TMPRSS5: variants seen among roughly 807,000 people sequenced by gnomAD.
The protein encoded by TMPRSS5 is transmembrane serine protease 5.
Under a neutral mutation model 59.7 loss-of-function variants are expected in TMPRSS5, and 45 were observed. That is an observed-to-expected ratio of 0.75 (90% CI 0.59 to 0.97). The LOEUF (loss-of-function observed/expected upper bound fraction) is 0.97, where lower values mean the gene tolerates loss of function less well. TMPRSS5 is among the 50% of genes least tolerant of loss of function. TMPRSS5 has a pLI of 0.00. For missense variants in TMPRSS5, 585 were observed against 596.7 expected, an observed-to-expected ratio of 0.98 and a Z score of 0.20; for synonymous variants, 225 against 232.0, an observed-to-expected ratio of 0.97 and a Z score of 0.27.
chr11:113,690,283 G>T lies in TMPRSS5; in HGVS notation c.1154C>A (p.Thr385Asn), dbSNP rs1457525904. The change falls in exon 11 of 13, where the codon ACC becomes AAC. Residue 385 changes from threonine (T) to asparagine (N), a missense_variant. Thr to Asn is a moderately conservative substitution (Grantham distance 65). Coordinates refer to ENST00000299882, the MANE Select transcript of TMPRSS5 (RefSeq NM_030770.4). Reference sequence around the variant, plus strand: ...GTAGCCAGCGCAAAGCATGCGGGGGGTGAGGGCTCCGCTGTACACGCAAGA... The same window carrying T: ...GTAGCCAGCGCAAAGCATGCGGGGGTTGAGGGCTCCGCTGTACACGCAAGA... ...NSSCVYSGAL[T>N]PRMLCAGYLD... 2 of 1,573,884 alleles carry T rather than the reference G, an allele frequency of 1.3e-6. No individual in the cohort carries two copies. Among genetic ancestry groups the T allele is most frequent in the Non-Finnish European group, 1.7e-6 (2 of 1,160,808 alleles).
At chr11:113,705,404 C>G (rs1304781236) in intron 1 of TMPRSS5, among the ~76,000 whole-genome samples, 3 of 152,154 alleles carry the variant, frequency 2.0e-5, no homozygotes, top group Non-Finnish European at 4.4e-5. Flanking sequence ...GCAGCAGCCC[C>G]AACATCTTGC....
rs932086918 is a variant in TMPRSS5 at position 113,691,985 on chromosome 11, T to C, written c.965-1046A>G. Among the ~76,000 whole-genome samples, 6 of 147,356 alleles carry C rather than the reference T, an allele frequency of 4.1e-5. 1 individual carries two copies. Among genetic ancestry groups the C allele is most frequent in the Admixed American group, 3.6e-4 (5 of 14,056 alleles). Reference sequence around the variant, plus strand: ...TCACTGCAATCTCTGCCTCCCAGGTTCAAGTGATCCTCCTGCCTCAGCCTC... The same window carrying C: ...TCACTGCAATCTCTGCCTCCCAGGTCCAAGTGATCCTCCTGCCTCAGCCTC... On this transcript the variant is annotated intron_variant, in intron 9 of 12. Transcript: ENST00000299882.
In TMPRSS5 at chr11:113,689,854, T is replaced by C; in HGVS notation, c.1270A>G (p.Ser424Gly). 6.3e-7 allele frequency: 1 copy of C among 1,588,486 alleles called. No homozygotes were observed. Among genetic ancestry groups the C allele is most frequent in the Non-Finnish European group, 8.6e-7 (1 of 1,167,598 alleles). The change falls in exon 12 of 13, where the codon AGC (serine) becomes GGC (glycine). Residue 424 changes from serine to glycine, a missense_variant. Ser to Gly is a moderately conservative substitution (Grantham distance 56). Coordinates refer to ENST00000299882, the MANE Select transcript of TMPRSS5 (RefSeq NM_030770.4). ...GGCTCTGCGCAGCCACGCCCCCAGC[T>C]GACCACCCCCACTAGGCGCCATGTG... ...GDTWRLVGVV[S>G]WGRGCAEPNH...
In TMPRSS5 at chr11:113,699,133, G is replaced by A. The variant is rs1953016938; in HGVS notation, c.206-106C>T. The A allele has an allele frequency of 4.0e-6, 5 of 1,243,198 alleles. No homozygotes were observed. In the East Asian group the frequency reaches 1.3e-4, roughly 31 times the overall value. 77.0% of individuals were successfully genotyped at this position (1,243,198 alleles called of 1,614,324 possible). A position where few individuals can be genotyped will look rare whatever the true frequency, so the allele number is the denominator to read the frequency against. On this transcript the variant is annotated intron_variant, in intron 3 of 12. Transcript: ENST00000299882. ...TCTCAGGCAGCTCCCCAACCAACCT[G>A]CTGAGGAGGGGCATAGCGCTCCATC...
chr11:113,696,954 C>G lies in TMPRSS5; in HGVS notation c.482G>C (p.Gly161Ala), dbSNP rs1205853582. The G allele has an allele frequency of 6.3e-7, 1 of 1,576,758 alleles. No homozygotes were observed. ...LGHLRLTHHK[G>A]VNLTDIKLNS... ...GAGTTTGATGTCAGTGAGGTTTACTCCCTTGTGGTGAGTGAGTCTTGGCAG... is the reference window on the plus strand; with the variant it reads ...GAGTTTGATGTCAGTGAGGTTTACTGCCTTGTGGTGAGTGAGTCTTGGCAG... Residue 161 changes from glycine (G) to alanine (A), a missense_variant, in exon 6 of 13, where the codon GGA (glycine) becomes GCA (alanine). Coordinates refer to ENST00000299882, the MANE Select transcript of TMPRSS5 (RefSeq NM_030770.4).
At chr11:113,688,754 G>A (rs1233904503) in intron 12 of TMPRSS5, among the ~76,000 whole-genome samples, 1 of 152,000 alleles carries the variant, frequency 6.6e-6, no homozygotes, top group East Asian at 1.9e-4. Flanking sequence ...GTATAGACAG[G>A]GTTTCACCAT....
chr11:113,688,286 G>A lies in TMPRSS5; in HGVS notation c.1360-12C>T, dbSNP rs1015604480. ...CAGAGGAGGGAGTCCTAGACCAAAA[G>A]GGAAAGGAACTGATTCACAGCATGG... On this transcript the variant is annotated splice_polypyrimidine_tract_variant and intron_variant, in intron 12 of 12. Coordinates refer to ENST00000299882, the MANE Select transcript of TMPRSS5 (RefSeq NM_030770.4). 1 of 1,560,810 alleles carries A rather than the reference G, an allele frequency of 6.4e-7. No individual in the cohort carries two copies. The highest frequency in any genetic ancestry group is 8.7e-7 in the Non-Finnish European group (1 of 1,146,876).
At position 113,697,330 on chromosome 11, in the gene TMPRSS5, C is replaced by G. The variant is rs763598353; in HGVS notation, c.417G>C (p.Trp139Cys). 1.2e-6 allele frequency: 2 copies of G among 1,613,762 alleles called. No individual in the cohort carries two copies. The highest frequency in any genetic ancestry group is 2.2e-5 in the South Asian group (2 of 91,078). ...PRWLLVCHEGWSPALGLQICW... is the reference protein window; with the variant it reads ...PRWLLVCHEGCSPALGLQICW... ...AGATCTGCAGCCCCAGGGCGGGGCT[C>G]CAGCCCTCATGGCAGACCAGGAGCC... is the stretch of plus-strand genomic sequence containing the variant. The change falls in exon 5 of 13, where the codon TGG becomes TGC. Residue 139 changes from tryptophan to cysteine, a missense_variant. Coordinates refer to ENST00000299882, the MANE Select transcript of TMPRSS5 (RefSeq NM_030770.4).
At chr11:113,692,028 C>T (rs11214704) in intron 9 of TMPRSS5, among the ~76,000 whole-genome samples, 27,589 of 151,636 alleles carry the variant, frequency 0.18, 3,023 homozygotes, top group Middle Eastern at 0.32. Flanking sequence ...GCTGGGACTA[C>T]AGGCATGAGC....
intron 1 of TMPRSS5, 136 bp downstream of exon 1, chr11:113,706,086 T>G (rs1269070800): frequency 5.8e-6 from 6 of 1,030,732 alleles, no homozygotes; most frequent in Non-Finnish European, 8.7e-6. Context: ...ACAGGGCCCC[T>G]GCTAGGATCC....
chr11:113,687,915 G>A lies in TMPRSS5; in HGVS notation c.*345C>T, dbSNP rs774544253. 4.5e-4 allele frequency: 117 copies of A among 260,200 alleles called. No individual in the cohort carries two copies. Among genetic ancestry groups the A allele is most frequent in the Non-Finnish European group, 7.4e-4 (103 of 139,476 alleles). The allele number at this position is 260,200 out of a possible 1,614,324, so 16.1% of individuals were successfully genotyped here. A position where few individuals can be genotyped will look rare whatever the true frequency, so the allele number is the denominator to read the frequency against. On this transcript the variant is annotated 3_prime_UTR_variant, in exon 13 of 13. Transcript: ENST00000299882. ...ACAGGGGCAGGGAGGGGAGAGGGCAGAAGGGCAGGCTTCCTGCTGCTTCTA... is the reference window on the plus strand; with the variant it reads ...ACAGGGGCAGGGAGGGGAGAGGGCAAAAGGGCAGGCTTCCTGCTGCTTCTA...
In TMPRSS5 at chr11:113,690,228, C is replaced by T; in HGVS notation, c.1206+3G>A. The T allele has an allele frequency of 1.3e-6, 2 of 1,548,846 alleles. No homozygotes were observed. Among genetic ancestry groups the T allele is most frequent in the Non-Finnish European group, 8.7e-7 (1 of 1,146,532 alleles). ...CCCTCACCCCAGCCACCACAGGCCA[C>T]ACCTGGCATGCATCAGCCCTTCCGT... is the stretch of plus-strand genomic sequence containing the variant. On this transcript the variant is annotated splice_donor_region_variant and intron_variant, in intron 11 of 12. Coordinates refer to ENST00000299882, the MANE Select transcript of TMPRSS5 (RefSeq NM_030770.4).
intron 1 of TMPRSS5, among the ~76,000 whole-genome samples, chr11:113,704,007 G>T (rs1019785229): frequency 6.6e-6 from 1 of 152,156 alleles, no homozygotes; most frequent in African/African-American, 2.4e-5. Flanking sequence ...ATCACAGAAG[G>T]CTTCCTAGAA....
In TMPRSS5 at chr11:113,700,066, T is replaced by C; in HGVS notation, c.106A>G (p.Ile36Val). 6.4e-7 allele frequency: 1 copy of C among 1,563,068 alleles called. No individual in the cohort carries two copies. Among genetic ancestry groups the C allele is most frequent in the Non-Finnish European group, 8.7e-7 (1 of 1,153,126 alleles). The change falls in exon 2 of 13, where the codon ATT becomes GTT. Residue 36 changes from isoleucine (I) to valine (V), a missense_variant and splice_region_variant. Physicochemically the swap from Ile to Val is conservative, Grantham distance 29. Coordinates refer to ENST00000299882, the MANE Select transcript of TMPRSS5 (RefSeq NM_030770.4). ...TCCCCTATGGCCCAGTCTGGCCTAC[T>C]GGGATGCTGCTGGTCTCCAGGCTCT... ...RAEPGDQQHP[I>V]SQAVCWRSMR...
intron 6 of TMPRSS5, 40 bp downstream of exon 6, chr11:113,696,818 G>A (rs760660309): frequency 7.1e-7 from 1 of 1,414,594 alleles, no homozygotes; most frequent in Non-Finnish European, 9.8e-7. Context: ...CCACCAGGAA[G>A]TAAGGGACCC....
chr11:113,702,417 T>G (rs1953165679), intron 1 of TMPRSS5, among the ~76,000 whole-genome samples: 1 of 152,128 alleles, frequency 6.6e-6, no homozygotes, highest in South Asian at 2.1e-4. Context: ...CAGAAGAAAT[T>G]TCTAAGCAGC....
intron 5 of TMPRSS5, 21 bp downstream of exon 5, chr11:113,697,262 C>G (rs747085508): frequency 6.2e-7 from 1 of 1,600,740 alleles, no homozygotes; most frequent in East Asian, 2.2e-5. Context: ...CTTCACAGGA[C>G]CCACATCTAA....
In TMPRSS5 at chr11:113,698,997, G is replaced by A. The variant is rs370850402; in HGVS notation, c.236C>T (p.Pro79Leu). ...VLYLCPAASQPISGTLQDEEI... is the reference protein window; with the variant it reads ...VLYLCPAASQLISGTLQDEEI... ...CTCATCCTGCAAGGTCCCGGAAATG[G>A]GCTGAGAGGCAGCAGGACACAGATA... is the stretch of plus-strand genomic sequence containing the variant. Residue 79 changes from proline to leucine, a missense_variant, in exon 4 of 13, where the codon CCC becomes CTC. Pro to Leu is a moderately conservative substitution (Grantham distance 98, BLOSUM62 -3). Coordinates refer to ENST00000299882, the MANE Select transcript of TMPRSS5 (RefSeq NM_030770.4). 3.1e-6 allele frequency: 5 copies of A among 1,610,962 alleles called. No individual in the cohort carries two copies. The highest frequency in any genetic ancestry group is 4.2e-6 in the Non-Finnish European group (5 of 1,178,708).
At chr11:113,690,176 G>GGCCCCCCCCCCCCCCCCCCCCCCCC in intron 11 of TMPRSS5, 55 bp downstream of exon 11, 1 of 388,228 alleles carries the variant, frequency 2.6e-6, no homozygotes, top group Non-Finnish European at 4.2e-6. Flanking sequence ...CAGGCCCCCT[G>GGCCCCCCCCCCCCCCCCCCCCCCCC]CCCTCCCACC....
Sources: gnomAD v4.1 joint callset for allele counts (sites outside exome capture counted in the v4.1 genomes callset) on GRCh38, gnomAD v4.1.1 for gene constraint, MANE v1.5 for transcripts, NCBI Gene and HGNC (gene_info 2026-07-23, HGNC 2026-07-21) for gene names.